Variants in SRCAP observed in about 807,000 individuals in gnomAD.
SRCAP encodes the protein chromatin remodeling protein SRCAP.
A neutral mutation model predicts 263.1 loss-of-function variants in SRCAP; 46 were observed. The observed-to-expected ratio is 0.17, with a 90% CI of 0.14 to 0.22. SRCAP has a LOEUF of 0.22. SRCAP is among the 10% of genes least tolerant of loss of function. The pLI is 1.00. For missense variants in SRCAP, 3,695 were observed against 4,181.9 expected (o/e 0.88, Z 3.21); for synonymous variants, 1,813 against 1,662.1 (o/e 1.09, Z -2.21).
chr16:30,732,523 G>A (rs2053123365), intron 27 of SRCAP, among the ~76,000 whole-genome samples: 1 of 151,978 alleles, frequency 6.6e-6, no homozygotes, highest in East Asian at 1.9e-4. Flanking sequence ...AGTTATTTCT[G>A]TGTTTGATGG....
chr16:30,731,115 G>T (rs1422090606), intron 27 of SRCAP, among the ~76,000 whole-genome samples: 2 of 152,186 alleles, frequency 1.3e-5, no homozygotes, highest in Non-Finnish European at 2.9e-5. Context: ...GAAACAAGGG[G>T]TTGAGACAAA....
At position 30,739,857 on chromosome 16, in the gene SRCAP, C is replaced by G. The variant is rs1166677030; in HGVS notation, c.*124C>G. On this transcript the variant is annotated 3_prime_UTR_variant, in exon 34 of 34. Coordinates refer to ENST00000262518, the MANE Select transcript of SRCAP (RefSeq NM_006662.3). ...CTCCAGGGAGACATAGGGGCCTTCT[C>G]CCTTCTTCCCACCAAAGTAGGGGGT... The G allele has an allele frequency of 4.9e-5, 67 of 1,379,314 alleles. No homozygotes were observed. The highest frequency in any genetic ancestry group is 6.3e-5 in the Non-Finnish European group (67 of 1,058,428). The allele number at this position is 1,379,314 out of a possible 1,614,324, so 85.4% of individuals were successfully genotyped here. A position where few individuals can be genotyped will look rare whatever the true frequency, so the allele number is the denominator to read the frequency against.
intron 4 of SRCAP, among the ~76,000 whole-genome samples, chr16:30,706,169 AAGAC>A (rs1195627780): frequency 2.6e-5 from 4 of 152,208 alleles, no homozygotes; most frequent in Non-Finnish European, 5.9e-5. Context: ...AGAAATAACA[AAGAC>A]AGAGGCTGGG....
At chr16:30,725,292 A>G in intron 25 of SRCAP, 1 of 1,076,084 alleles carries the variant, frequency 9.3e-7, no homozygotes, top group Non-Finnish European at 1.3e-6. Context: ...AAGTGTTAGG[A>G]TTACAGGGGT....
chr16:30,738,442 C>A lies in SRCAP; in HGVS notation c.8402C>A (p.Ser2801Tyr). Residue 2801 changes from serine to tyrosine, a missense_variant, in exon 34 of 34, where the codon TCC becomes TAC. By Grantham distance (144) the Ser-to-Tyr change is moderately radical. Coordinates refer to ENST00000262518, the MANE Select transcript of SRCAP (RefSeq NM_006662.3). ...GTCCGCAGCATGTCAGGGCCAGAAT[C>A]CTCCCCTCCCATTGGTGGGCCCTGT... is the stretch of plus-strand genomic sequence containing the variant. ...PSVRSMSGPE[S>Y]SPPIGGPCEA... The A allele has an allele frequency of 6.4e-7, 1 of 1,555,194 alleles. No homozygotes were observed. Among genetic ancestry groups the A allele is most frequent in the Non-Finnish European group, 8.7e-7 (1 of 1,150,236 alleles).
chr16:30,715,504 G>A (rs2052938939), intron 16 of SRCAP, among the ~76,000 whole-genome samples: 1 of 151,870 alleles, frequency 6.6e-6, no homozygotes, highest in African/African-American at 2.4e-5. Context: ...GGCAGAGCTT[G>A]CAGTGAGCCA....
Position 30,723,797 on chromosome 16 carries a change from C to G in SRCAP, c.4373C>G (p.Pro1458Arg). Reference protein sequence around the residue: ...PAPASAPLTIPISAPLTVSAS... With the variant: ...PAPASAPLTIRISAPLTVSAS... ...CCAGCCTCGGCTCCACTCACCATCC[C>G]CATCTCAGCCCCCTTGACTGTTTCT... is the stretch of plus-strand genomic sequence containing the variant. Residue 1458 changes from proline (P) to arginine (R), a missense_variant, in exon 25 of 34, where the codon CCC becomes CGC. Physicochemically the swap from Pro to Arg is moderately radical, Grantham distance 103 (BLOSUM62 -2). Coordinates refer to ENST00000262518, the MANE Select transcript of SRCAP (RefSeq NM_006662.3). The G allele has an allele frequency of 1.9e-6, 3 of 1,614,158 alleles. No homozygotes were observed. Among genetic ancestry groups the G allele is most frequent in the Non-Finnish European group, 2.5e-6 (3 of 1,180,022 alleles).
At chr16:30,715,249 A>G (rs974002907) in intron 16 of SRCAP, among the ~76,000 whole-genome samples, 2 of 152,208 alleles carry the variant, frequency 1.3e-5, no homozygotes, top group African/African-American at 4.8e-5. Flanking sequence ...GTCAATCACT[A>G]TCATTCGGTA....
In SRCAP at chr16:30,738,733, C is replaced by G. The variant is rs770109840; in HGVS notation, c.8693C>G (p.Pro2898Arg). ...AATGGGGCTGACCCAGTCCCTGGGCCTGAGACCCTAATTGTTGCAGATCCT... is the reference window on the plus strand; with the variant it reads ...AATGGGGCTGACCCAGTCCCTGGGCGTGAGACCCTAATTGTTGCAGATCCT... ...KTNGADPVPG[P>R]ETLIVADPVL... The change falls in exon 34 of 34, where the codon CCT (proline) becomes CGT (arginine). Residue 2898 changes from proline (P) to arginine (R), a missense_variant. Physicochemically the swap from Pro to Arg is moderately radical, Grantham distance 103 (BLOSUM62 -2). Coordinates refer to ENST00000262518, the MANE Select transcript of SRCAP (RefSeq NM_006662.3). The G allele has an allele frequency of 6.2e-6, 10 of 1,613,990 alleles. No homozygotes were observed. The highest frequency in any genetic ancestry group is 8.5e-6 in the Non-Finnish European group (10 of 1,180,020).
intron 16 of SRCAP, among the ~76,000 whole-genome samples, chr16:30,713,919 A>G (rs2052917875): frequency 7.1e-6 from 1 of 140,970 alleles, no homozygotes; most frequent in African/African-American, 2.6e-5. Flanking sequence ...TTTTTTTGAG[A>G]CTGAGTCTTG....
rs2053017243 is a variant in SRCAP at position 30,722,112 on chromosome 16, C to T, written c.3542-10C>T. The T allele has an allele frequency of 6.2e-7, 1 of 1,611,380 alleles. No individual in the cohort carries two copies. Among genetic ancestry groups the T allele is most frequent in the South Asian group, 1.1e-5 (1 of 90,712 alleles). On this transcript the variant is annotated splice_polypyrimidine_tract_variant and intron_variant, in intron 21 of 33. Transcript: ENST00000262518. ...AGCCTTGTGTACAATAAGGCCTTCT[C>T]TGTTTTTAGCAGGCGAAGTGGTCAG...
Position 30,713,524 on chromosome 16 carries a change from G to C in SRCAP, c.2306G>C (p.Arg769Thr), listed in dbSNP as rs2151289168. The C allele has an allele frequency of 6.2e-7, 1 of 1,614,120 alleles. No individual in the cohort carries two copies. The highest frequency in any genetic ancestry group is 8.5e-7 in the Non-Finnish European group (1 of 1,179,998). Residue 769 changes from arginine to threonine, a missense_variant, in exon 16 of 34, where the codon AGA (arginine) becomes ACA (threonine). Arg to Thr is a moderately conservative substitution (Grantham distance 71, BLOSUM62 -1). Around this residue, in one of 12 missense-constraint regions of SRCAP, gnomAD observed 121 missense variants for 330.7 expected, o/e 0.37. Coordinates refer to ENST00000262518, the MANE Select transcript of SRCAP (RefSeq NM_006662.3). ...TTCTCTCTGTCTCTTTGCAGCCAGA[G>C]ACGCCTGCTCCTGACAGGAACTCCC... is the stretch of plus-strand genomic sequence containing the variant. ...WQSLLNFNSQRRLLLTGTPLQ... is the reference protein window; with the variant it reads ...WQSLLNFNSQTRLLLTGTPLQ...
rs752879086 is a variant in SRCAP, at chr16:30,711,695, G to T, written c.1443G>T (p.Gly481=). 1.1e-5 allele frequency: 17 copies of T among 1,613,996 alleles called. No homozygotes were observed. The highest frequency in any genetic ancestry group is 4.4e-5 in the South Asian group (4 of 91,082). ...DANSSDCEPE[G]PVEAEEPPQE... is the part of the protein sequence containing the mutation. ...ATAGCTCTGACTGTGAACCAGAGGGGCCCGTGGAAGCGGAAGAGCCTCCTC... is the reference window on the plus strand; with the variant it reads ...ATAGCTCTGACTGTGAACCAGAGGGTCCCGTGGAAGCGGAAGAGCCTCCTC... Residue 481 remains glycine (G), a synonymous_variant, in exon 11 of 34, where the codon GGG becomes GGT. Transcript: ENST00000262518.
At chr16:30,711,170 A>G in intron 10 of SRCAP, 82 bp downstream of exon 10, 1 of 1,037,446 alleles carries the variant, frequency 9.6e-7, no homozygotes, top group South Asian at 1.3e-5. Flanking sequence ...TGAATAAGGC[A>G]CTTTGTATCC....
rs770702011 is a variant in SRCAP at position 30,709,968 on chromosome 16, G to A, written c.974G>A (p.Arg325His). The A allele has an allele frequency of 1.2e-6, 2 of 1,614,062 alleles. No homozygotes were observed. The highest frequency in any genetic ancestry group is 8.5e-7 in the Non-Finnish European group (1 of 1,180,040). The stretch of plus-strand genomic sequence containing the variant: ...CAGAGGCGTGAGATTGAGCTGCTTC[G>A]CCGTGAGGGAGAATTGCCACTGGAA... ...EAQRREIELL[R>H]REGELPLEEL... The change falls in exon 8 of 34, where the codon CGC becomes CAC. Residue 325 changes from arginine to histidine, a missense_variant. Around this residue, in one of 12 missense-constraint regions of SRCAP, gnomAD observed 30 missense variants for 54.1 expected, o/e 0.55. Coordinates refer to ENST00000262518, the MANE Select transcript of SRCAP (RefSeq NM_006662.3).
chr16:30,723,567 A>C lies in SRCAP; in HGVS notation c.4160-17A>C. The C allele has an allele frequency of 6.2e-7, 1 of 1,602,310 alleles. No homozygotes were observed. On this transcript the variant is annotated splice_polypyrimidine_tract_variant and intron_variant, in intron 24 of 33. Coordinates refer to ENST00000262518, the MANE Select transcript of SRCAP (RefSeq NM_006662.3). ...AGGAAAAGAATTCTGGGGCTAACTC[A>C]TCCTCTCTCTCCACAGCTTCAGCCC...
At position 30,700,750 on chromosome 16, in the gene SRCAP, C is replaced by G; in HGVS notation, c.-75C>G. On this transcript the variant is annotated 5_prime_UTR_variant, in exon 3 of 34. Transcript: ENST00000262518. The stretch of plus-strand genomic sequence containing the variant: ...GCATGCCCTGCAGCCGGACGCCAGC[C>G]CCTCGGCCAGCAGTACTGGTGATAA... 1 of 1,441,372 alleles carries G rather than the reference C, an allele frequency of 6.9e-7. No individual in the cohort carries two copies. The highest frequency in any genetic ancestry group is 9.7e-7 in the Non-Finnish European group (1 of 1,033,890). 89.3% of individuals were successfully genotyped at this position (1,441,372 alleles called of 1,614,324 possible). A position where few individuals can be genotyped will look rare whatever the true frequency, so the allele number is the denominator to read the frequency against.
At position 30,736,240 on chromosome 16, in the gene SRCAP, C is replaced by G; in HGVS notation, c.6770C>G (p.Ala2257Gly). The change falls in exon 32 of 34, where the codon GCC (alanine) becomes GGC (glycine). Residue 2257 changes from alanine to glycine, a missense_variant. Ala to Gly is a moderately conservative substitution (Grantham distance 60). Coordinates refer to ENST00000262518, the MANE Select transcript of SRCAP (RefSeq NM_006662.3). Reference protein sequence around the residue: ...RAEDEEDIRAATQAKAEQVAE... With the variant: ...RAEDEEDIRAGTQAKAEQVAE... ...GAAGATGAAGAGGATATCCGTGCAG[C>G]CACCCAGGCCAAGGCTGAACAGGTG... The G allele has an allele frequency of 6.2e-7, 1 of 1,614,106 alleles. No homozygotes were observed. The highest frequency in any genetic ancestry group is 8.5e-7 in the Non-Finnish European group (1 of 1,180,024).
Position 30,723,756 on chromosome 16 carries a change from C to T in SRCAP, c.4332C>T (p.Pro1444=). Residue 1444 remains proline (P), a synonymous_variant, in exon 25 of 34, where the codon CCC becomes CCT. Coordinates refer to ENST00000262518, the MANE Select transcript of SRCAP (RefSeq NM_006662.3). The part of the protein sequence containing the change: ...PLSSSLPISV[P]TTLPAPASAP... ...CATCTTCACTCCCCATCTCTGTCCCCACCACACTTCCTGCCCCAGCCTCGG... is the reference window on the plus strand; with the variant it reads ...CATCTTCACTCCCCATCTCTGTCCCTACCACACTTCCTGCCCCAGCCTCGG... The T allele has an allele frequency of 1.2e-6, 2 of 1,614,090 alleles. No homozygotes were observed. The highest frequency in any genetic ancestry group is 1.7e-6 in the Non-Finnish European group (2 of 1,180,000).
Sources: allele counts gnomAD v4.1 joint callset (sites outside exome capture counted in the v4.1 genomes callset), GRCh38; gene constraint gnomAD v4.1.1; regional missense constraint gnomAD v4.1.1; transcripts MANE v1.5; gene names NCBI Gene and HGNC (gene_info 2026-07-23, HGNC 2026-07-21).